The following IL3RA variants were observed in gnomAD, a reference collection of about 807,000 sequenced individuals.
IL3RA encodes interleukin 3 receptor subunit alpha.
A neutral mutation model predicts 52.3 loss-of-function variants in IL3RA; 73 were observed. The ratio of observed to expected loss-of-function variants is 1.40; its 90% confidence interval spans 1.16 to 1.70. The LOEUF (loss-of-function observed/expected upper bound fraction) is 1.70, where lower values mean the gene tolerates loss of function less well. IL3RA is among the 40% of genes most tolerant of loss of function. The pLI is 0.00. For synonymous variants in IL3RA, 260 were observed against 194.0 expected (o/e 1.34, Z -2.83); for missense variants, 664 against 504.4 (o/e 1.32, Z -3.03).
At chrX:1,354,453 A>G (rs1273959376) in intron 6 of IL3RA, among the ~76,000 whole-genome samples, 1 of 149,916 alleles carries the variant, frequency 6.7e-6, no homozygotes, top group African/African-American at 2.5e-5. Flanking sequence ...GAGGAGAAGG[A>G]CAAGGAGAAG....
At chrX:1,377,894 GA>G (rs1935047870) in intron 9 of IL3RA, among the ~76,000 whole-genome samples, 1 of 148,156 alleles carries the variant, frequency 6.7e-6, no homozygotes, top group Non-Finnish European at 1.5e-5. Flanking sequence ...AAAGAAAAAA[GA>G]AAAAAAATAG....
chrX:1,361,093 GTCTCTCTCTCCCTTCCCCTCTCTGTCTC>G (rs2087281748), intron 8 of IL3RA, among the ~76,000 whole-genome samples: 1 of 46,784 alleles, frequency 2.1e-5, no homozygotes, highest in Non-Finnish European at 3.7e-5. Flanking sequence ...TCCCCTCTCT[GTCTCTCTCTCCCTTCCCCTCTCTGTCTC>G]TCTCTCCCTT....
At chrX:1,378,091 C>G (rs2088914744) in intron 9 of IL3RA, among the ~76,000 whole-genome samples, 1 of 147,358 alleles carries the variant, frequency 6.8e-6, no homozygotes, top group African/African-American at 2.5e-5. Flanking sequence ...GAGGCAGGGG[C>G]AGGAGAATCG....
chrX:1,347,476 A>G (rs1569520299), intron 3 of IL3RA, among the ~76,000 whole-genome samples: 2 of 151,140 alleles, frequency 1.3e-5, no homozygotes, highest in African/African-American at 4.9e-5. Flanking sequence ...AACAAAACGA[A>G]GAATATACAA....
chrX:1,358,378 G>T (rs760711404), intron 7 of IL3RA, among the ~76,000 whole-genome samples: 2 of 151,962 alleles, frequency 1.3e-5, no homozygotes, highest in Non-Finnish European at 2.9e-5. Flanking sequence ...AAACCTTTTG[G>T]GCCAGGCGCG....
At chrX:1,381,806 T>A (rs1424229614) in intron 11 of IL3RA, among the ~76,000 whole-genome samples, 2 of 151,418 alleles carry the variant, frequency 1.3e-5, no homozygotes, top group African/African-American at 4.9e-5. Flanking sequence ...CCTCCCAAAG[T>A]GCTGGGATTA....
At chrX:1,351,979 G>A in intron 4 of IL3RA, 121 bp from the exon 5 acceptor site, 4 of 1,226,084 alleles carry the variant, frequency 3.3e-6, no homozygotes, top group Non-Finnish European at 4.5e-6. Flanking sequence ...TGGCCAGGCT[G>A]GTCTCGAACT....
intron 4 of IL3RA, 91 bp downstream of exon 4, chrX:1,348,636 TTCTTTTTC>T (rs1347027004): frequency 6.5e-6 from 5 of 764,662 alleles, no homozygotes; most frequent in Admixed American, 2.4e-5. Flanking sequence ...CTTTTTTCTT[TTCTTTTTC>T]TCTTTCTTTC....
At position 1,362,249 on chromosome X, in the gene IL3RA, T is replaced by C. The variant is rs1160010867; in HGVS notation, c.760-2889T>C. Among the ~76,000 whole-genome samples the C allele has an allele frequency of 9.2e-5, 14 of 151,568 alleles. 1 individual carries two copies. The highest frequency in any genetic ancestry group is 1.8e-4 in the Non-Finnish European group (12 of 67,878). Reference sequence around the variant, plus strand: ...CACCCACTCTGTCTGTCTTTGTCTATGTCTCTCTGTTTTTCTGTCTCTTTT... The same window carrying C: ...CACCCACTCTGTCTGTCTTTGTCTACGTCTCTCTGTTTTTCTGTCTCTTTT... On this transcript the variant is annotated intron_variant, in intron 8 of 11. Coordinates refer to ENST00000331035, the MANE Select transcript of IL3RA (RefSeq NM_002183.4).
At chrX:1,357,793 G>GA (rs2086849458) in intron 7 of IL3RA, among the ~76,000 whole-genome samples, 1 of 147,700 alleles carries the variant, frequency 6.8e-6, no homozygotes, top group African/African-American at 2.5e-5. Context: ...AATCTGTTTG[G>GA]GTTTTTTTTT....
At chrX:1,349,702 G>A (rs1340043170) in intron 4 of IL3RA, among the ~76,000 whole-genome samples, 8 of 151,050 alleles carry the variant, frequency 5.3e-5, no homozygotes, top group Non-Finnish European at 8.9e-5. Context: ...TGTTCTTGTC[G>A]CCCAGGCTGG....
chrX:1,365,290 TGAGCGGG>T (rs781509782), intron 9 of IL3RA, 38 bp downstream of exon 9: 1 of 1,405,768 alleles, frequency 7.1e-7, no homozygotes, highest in Non-Finnish European at 9.7e-7. Context: ...GTGAGCGGGG[TGAGCGGG>T]GTGCGCGGGG....
intron 7 of IL3RA, among the ~76,000 whole-genome samples, chrX:1,356,729 G>A (rs1425586031): frequency 9.3e-5 from 14 of 150,536 alleles, no homozygotes; most frequent in South Asian, 8.4e-4. Flanking sequence ...CCGAGATCGC[G>A]CCATTGCACT....
intron 8 of IL3RA, among the ~76,000 whole-genome samples, chrX:1,364,790 T>TTTTA (rs1556635676): frequency 3.3e-4 from 47 of 141,796 alleles, no homozygotes; most frequent in Non-Finnish European, 4.9e-4. Context: ...TCTTTTCTTC[T>TTTTA]TTTATTTATT....
At chrX:1,354,496 G>GA (rs1162037767) in intron 6 of IL3RA, among the ~76,000 whole-genome samples, 1 of 148,030 alleles carries the variant, frequency 6.8e-6, no homozygotes, top group Non-Finnish European at 1.5e-5. Context: ...TGAGCAGGGG[G>GA]AGGAGGAGGA....
intron 9 of IL3RA, among the ~76,000 whole-genome samples, chrX:1,376,650 C>T (rs1366023468): frequency 2.0e-5 from 3 of 150,164 alleles, no homozygotes; most frequent in Admixed American, 6.6e-5. Flanking sequence ...AGGGAGAAGA[C>T]GGCGTCTCCA....
chrX:1,356,350 C>G lies in IL3RA; in HGVS notation c.732+14C>G, dbSNP rs2086709699. ...CAGATACAAAAGGTAAACTTTCACC[C>G]CGCCCCCAGCCCCCCCACCCCCGTG... is the stretch of plus-strand genomic sequence containing the variant. On this transcript the variant is annotated intron_variant, in intron 7 of 11. Transcript: ENST00000331035. The G allele has an allele frequency of 1.3e-6, 2 of 1,548,526 alleles. No homozygotes were observed. Among genetic ancestry groups the G allele is most frequent in the Non-Finnish European group, 1.8e-6 (2 of 1,122,846 alleles).
At chrX:1,379,547 T>C (rs1198627935) in intron 10 of IL3RA, among the ~76,000 whole-genome samples, 12 of 152,344 alleles carry the variant, frequency 7.9e-5, no homozygotes, top group Middle Eastern at 3.4e-3. Flanking sequence ...CTGAGGGCTC[T>C]GGTGGGACCA....
chrX:1,348,359 A>G, intron 3 of IL3RA, 72 bp from the exon 4 acceptor site: 1 of 1,251,974 alleles, frequency 8.0e-7, no homozygotes, highest in Non-Finnish European at 1.2e-6. Context: ...GCCTCAAAAA[A>G]AATCTGAACA....
Sources: allele counts gnomAD v4.1 joint callset (sites outside exome capture counted in the v4.1 genomes callset), GRCh38; gene constraint gnomAD v4.1.1; transcripts MANE v1.5; gene names NCBI Gene and HGNC (gene_info 2026-07-23, HGNC 2026-07-21).